MTHFD1L: variants seen among roughly 807,000 people sequenced by gnomAD.
MTHFD1L encodes the protein methylenetetrahydrofolate dehydrogenase (NADP+ dependent) 1 like.
In MTHFD1L, 81 loss-of-function variants were observed where a neutral mutation model predicts 119.5. The ratio of observed to expected loss-of-function variants is 0.68; its 90% CI spans 0.57 to 0.82. The LOEUF is 0.82. Ranked by LOEUF, MTHFD1L falls within the 40% of genes least tolerant of loss-of-function variation. The pLI is 0.00. For missense variants in MTHFD1L, 1,125 were observed against 1,253.4 expected (o/e 0.90, Z 1.55); for synonymous variants, 430 against 475.2 (o/e 0.90, Z 1.24).
At chr6:150,901,737 T>C (rs1785131024) in intron 7 of MTHFD1L, among the ~76,000 whole-genome samples, 1 of 152,214 alleles carries the variant, frequency 6.6e-6, no homozygotes. Context: ...CCAATGTCTT[T>C]AGTTATTGTA....
chr6:150,983,633 T>A (rs1028066389), intron 20 of MTHFD1L, among the ~76,000 whole-genome samples: 2 of 152,072 alleles, frequency 1.3e-5, no homozygotes, highest in African/African-American at 4.8e-5. Context: ...GGCTGTGCAG[T>A]CCCCAGGAAA....
intron 20 of MTHFD1L, among the ~76,000 whole-genome samples, chr6:150,995,253 C>T (rs976868471): frequency 2.6e-5 from 4 of 152,098 alleles, no homozygotes; most frequent in Admixed American, 6.5e-5. Flanking sequence ...CGGTGGCTCA[C>T]GCCTGTATCC....
At chr6:150,886,456 A>G (rs1008028890) in intron 6 of MTHFD1L, among the ~76,000 whole-genome samples, 1 of 150,824 alleles carries the variant, frequency 6.6e-6, no homozygotes, top group Non-Finnish European at 1.5e-5. Context: ...AAAAAAAAAA[A>G]AAGAGAAGAA....
chr6:151,096,020 T>A (rs895729046), intron 27 of MTHFD1L, among the ~76,000 whole-genome samples: 1 of 152,194 alleles, frequency 6.6e-6, no homozygotes, highest in Admixed American at 6.5e-5. Flanking sequence ...TCAACTCAGA[T>A]CTGTTGACTC....
At chr6:151,016,092 C>T (rs1481997012) in intron 24 of MTHFD1L, among the ~76,000 whole-genome samples, 1 of 152,084 alleles carries the variant, frequency 6.6e-6, no homozygotes, top group African/African-American at 2.4e-5. Flanking sequence ...GACCCTGTCT[C>T]AAACAAACAA....
At chr6:151,094,155 C>T (rs564002540) in intron 27 of MTHFD1L, among the ~76,000 whole-genome samples, 2 of 152,292 alleles carry the variant, frequency 1.3e-5, no homozygotes, top group South Asian at 2.1e-4. Flanking sequence ...ATTCTTTCCC[C>T]GCAAGCACCC....
At chr6:150,957,648 C>T (rs143034235) in intron 17 of MTHFD1L, among the ~76,000 whole-genome samples, 82 of 152,142 alleles carry the variant, frequency 5.4e-4, no homozygotes, top group African/African-American at 1.7e-3. Flanking sequence ...ATATTTGGTC[C>T]GCCATTTTGT....
At chr6:150,978,529 AG>A (rs1170028458) in intron 20 of MTHFD1L, among the ~76,000 whole-genome samples, 2 of 152,194 alleles carry the variant, frequency 1.3e-5, no homozygotes, top group Admixed American at 1.3e-4. Flanking sequence ...ATTAAAACAC[AG>A]GGTGATCTTT....
At chr6:150,972,688 G>C (rs1162247339) in intron 20 of MTHFD1L, among the ~76,000 whole-genome samples, 1 of 152,220 alleles carries the variant, frequency 6.6e-6, no homozygotes, top group African/African-American at 2.4e-5. Context: ...AATTGAATAA[G>C]AGAAAGTGCT....
At chr6:150,954,215 G>A (rs1404665967) in intron 16 of MTHFD1L, among the ~76,000 whole-genome samples, 2 of 152,180 alleles carry the variant, frequency 1.3e-5, no homozygotes, top group East Asian at 3.8e-4. Context: ...CATAAGTGCT[G>A]TATCGTATAC....
rs746100116 is a variant in MTHFD1L, at chr6:150,955,977, T to G, written c.1727-18T>G. The G allele has an allele frequency of 2.5e-6, 4 of 1,603,634 alleles. No homozygotes were observed. In the East Asian group the frequency reaches 8.9e-5, roughly 36 times the overall value. On this transcript the variant is annotated intron_variant, in intron 16 of 27. Transcript: ENST00000367321. Reference sequence around the variant, plus strand: ...GGTCCATATTTGTCGACTGAATGACTAATCTGTTCTCTTTCAGTATTGGAT... The same window carrying G: ...GGTCCATATTTGTCGACTGAATGACGAATCTGTTCTCTTTCAGTATTGGAT...
intron 24 of MTHFD1L, among the ~76,000 whole-genome samples, chr6:151,019,216 C>CTCTGATCATGCCA (rs1554282533): frequency 6.6e-6 from 1 of 151,976 alleles, no homozygotes; most frequent in Non-Finnish European, 1.5e-5. Context: ...GTGAGTGTGC[C>CTCTGATCATGCCA]TCTGATCATG....
intron 5 of MTHFD1L, among the ~76,000 whole-genome samples, 192 bp from the exon 6 acceptor site, chr6:150,885,442 C>T (rs927113903): frequency 4.6e-5 from 7 of 152,138 alleles, no homozygotes; most frequent in Non-Finnish European, 7.4e-5. Context: ...GTGATCCACC[C>T]GCCTCAGCCT....
At chr6:151,052,987 A>G (rs938571599) in intron 26 of MTHFD1L, among the ~76,000 whole-genome samples, 14 of 152,212 alleles carry the variant, frequency 9.2e-5, no homozygotes, top group African/African-American at 3.4e-4. Flanking sequence ...GTCTATACCC[A>G]TCTAGTCATT....
intron 20 of MTHFD1L, among the ~76,000 whole-genome samples, chr6:150,986,820 T>G (rs910043539): frequency 6.6e-6 from 1 of 152,172 alleles, no homozygotes; most frequent in African/African-American, 2.4e-5. Context: ...TTCTCCTGTT[T>G]CAGCCTCCCA....
intron 7 of MTHFD1L, among the ~76,000 whole-genome samples, chr6:150,901,714 C>A (rs1359304081): frequency 6.6e-6 from 1 of 152,216 alleles, no homozygotes; most frequent in Non-Finnish European, 1.5e-5. Flanking sequence ...CACTCAGGCA[C>A]TAGTTGAGAA....
At chr6:150,954,240 A>T (rs138742929) in intron 16 of MTHFD1L, among the ~76,000 whole-genome samples, 39 of 152,324 alleles carry the variant, frequency 2.6e-4, no homozygotes, top group African/African-American at 9.1e-4. Flanking sequence ...AGTAAAGTGG[A>T]TCTAAATTGT....
At position 150,903,137 on chromosome 6, in the gene MTHFD1L, T is replaced by C. The variant is rs113645922; in HGVS notation, c.781-2513T>C. 2.0e-4 allele frequency among the ~76,000 whole-genome samples: 31 copies of C among 152,016 alleles called. 1 individual carries two copies. Among genetic ancestry groups the C allele is most frequent in the African/African-American group, 7.2e-4 (30 of 41,462 alleles). ...ATACTATTACCTGGAACTCTAGCTG[T>C]TTTTCAGATCTGTAGAGATCATAGG... is the stretch of plus-strand genomic sequence containing the variant. On this transcript the variant is annotated intron_variant, in intron 7 of 27. Transcript: ENST00000367321.
At chr6:150,960,185 G>C in intron 17 of MTHFD1L, 90 bp from the exon 18 acceptor site, 1 of 1,489,630 alleles carries the variant, frequency 6.7e-7, no homozygotes, top group East Asian at 2.3e-5. Context: ...TGGGCCTGTG[G>C]TTGCTTCATG....
Sources: gnomAD v4.1 joint callset for allele counts (sites outside exome capture counted in the v4.1 genomes callset) on GRCh38, gnomAD v4.1.1 for gene constraint, MANE v1.5 for transcripts, NCBI Gene and HGNC (gene_info 2026-07-23, HGNC 2026-07-21) for gene names.